The following CCDC138 variants were observed in gnomAD, a reference collection of about 807,000 sequenced individuals.
CCDC138 encodes coiled-coil domain-containing protein 138.
Under a neutral mutation model 82.3 loss-of-function variants are expected in CCDC138, and 66 were observed. That is an observed-to-expected ratio of 0.80 (90% CI 0.66 to 0.98). CCDC138 has a LOEUF of 0.98. CCDC138 is among the 50% of genes least tolerant of loss of function. CCDC138 has a pLI of 0.00. For synonymous variants in CCDC138, 297 were observed against 265.4 expected (o/e 1.12, Z -1.16); for missense variants, 816 against 758.9 (o/e 1.08, Z -0.88).
rs138498643 is a variant in CCDC138, at chr2:108,875,125, A to G, written c.1833-963A>G. On this transcript the variant is annotated intron_variant, in intron 14 of 14. Coordinates refer to ENST00000295124, the MANE Select transcript of CCDC138 (RefSeq NM_144978.3). ...CCACAAAAGATGTAAATCCTTTTGTATTAGGATAGTACATAAGAGTTTGTA... is the reference window on the plus strand; with the variant it reads ...CCACAAAAGATGTAAATCCTTTTGTGTTAGGATAGTACATAAGAGTTTGTA... 3.5e-3 allele frequency among the ~76,000 whole-genome samples: 531 copies of G among 152,050 alleles called. 2 individuals are homozygous for G. The highest frequency in any genetic ancestry group is 7.5e-3 in the Admixed American group (114 of 15,276).
intron 1 of CCDC138, 98 bp downstream of exon 1, chr2:108,787,013 T>A (rs896645575): frequency 8.1e-6 from 6 of 739,376 alleles, no homozygotes; most frequent in African/African-American, 7.5e-5. Flanking sequence ...GCAGCGGCTC[T>A]GGTCCCGGCC....
intron 13 of CCDC138, among the ~76,000 whole-genome samples, chr2:108,862,813 T>C (rs1341746713): frequency 6.6e-6 from 1 of 152,172 alleles, no homozygotes; most frequent in African/African-American, 2.4e-5. Context: ...TTTTACGTGG[T>C]TAGATACTAG....
intron 10 of CCDC138, among the ~76,000 whole-genome samples, chr2:108,819,802 G>T (rs1284353206): frequency 6.6e-6 from 1 of 152,112 alleles, no homozygotes; most frequent in Non-Finnish European, 1.5e-5. Flanking sequence ...AAGGAACAGG[G>T]ACATTGATCA....
At chr2:108,806,646 T>C (rs1227082105) in intron 7 of CCDC138, among the ~76,000 whole-genome samples, 2 of 152,186 alleles carry the variant, frequency 1.3e-5, no homozygotes, top group Non-Finnish European at 2.9e-5. Context: ...CGTGGCTGTG[T>C]TCCAAAACGA....
intron 10 of CCDC138, among the ~76,000 whole-genome samples, chr2:108,834,648 T>A: frequency 6.6e-6 from 1 of 152,244 alleles, no homozygotes; most frequent in East Asian, 1.9e-4. Context: ...ATGTACAATT[T>A]AGTGGCATTA....
At chr2:108,823,144 A>T (rs1032295543) in intron 10 of CCDC138, among the ~76,000 whole-genome samples, 2 of 152,226 alleles carry the variant, frequency 1.3e-5, no homozygotes, top group Admixed American at 6.5e-5. Flanking sequence ...ATCACTAATT[A>T]CAAAAAAACC....
intron 13 of CCDC138, among the ~76,000 whole-genome samples, chr2:108,871,592 A>G (rs1695263154): frequency 6.6e-6 from 1 of 152,024 alleles, no homozygotes; most frequent in South Asian, 2.1e-4. Context: ...AAGCAAGATA[A>G]AAAACATTGT....
chr2:108,856,132 A>G (rs527444109), intron 12 of CCDC138, among the ~76,000 whole-genome samples: 22 of 152,216 alleles, frequency 1.4e-4, no homozygotes, highest in East Asian at 9.6e-4. Flanking sequence ...GTGCTTCCCA[A>G]TCCTGGCCTT....
intron 13 of CCDC138, 137 bp from the exon 14 acceptor site, chr2:108,873,314 T>C (rs976072903): frequency 1.3e-6 from 1 of 758,776 alleles, no homozygotes; most frequent in Non-Finnish European, 1.9e-6. Context: ...ATATTTTCAC[T>C]CAAAAATTTA....
chr2:108,786,759 C>G, upstream of CCDC138: 1 of 1,454,246 alleles, frequency 6.9e-7, no homozygotes, highest in Non-Finnish European at 9.5e-7. Context: ...CGCACTGCGG[C>G]CGCGTAGCGC....
chr2:108,861,147 A>G (rs1158820194), intron 13 of CCDC138, among the ~76,000 whole-genome samples: 1 of 149,542 alleles, frequency 6.7e-6, no homozygotes, highest in Non-Finnish European at 1.5e-5. Flanking sequence ...TTTTTTTTAA[A>G]TTTATTTCTG....
intron 11 of CCDC138, among the ~76,000 whole-genome samples, chr2:108,842,845 C>T (rs1689745259): frequency 6.6e-6 from 1 of 152,200 alleles, no homozygotes; most frequent in South Asian, 2.1e-4. Context: ...TTCACTACAA[C>T]ATTATGTAGA....
intron 11 of CCDC138, among the ~76,000 whole-genome samples, chr2:108,844,281 G>A (rs1690073312): frequency 6.6e-6 from 1 of 152,078 alleles, no homozygotes; most frequent in Non-Finnish European, 1.5e-5. Context: ...CAGGTTGTTT[G>A]CAGTTGTTCA....
chr2:108,803,379 A>G (rs2149652219), intron 6 of CCDC138, among the ~76,000 whole-genome samples: 1 of 90,170 alleles, frequency 1.1e-5, no homozygotes, highest in African/African-American at 3.7e-5. Flanking sequence ...TGCCAGGAAG[A>G]CTGGTTTTCT....
intron 10 of CCDC138, among the ~76,000 whole-genome samples, chr2:108,822,797 G>T (rs1391008362): frequency 1.3e-5 from 2 of 152,132 alleles, no homozygotes; most frequent in Admixed American, 6.5e-5. Context: ...TAAGAGGGAA[G>T]TTTGTAGCTG....
downstream of CCDC138, among the ~76,000 whole-genome samples, chr2:108,879,140 T>C (rs1370435150): frequency 6.6e-6 from 1 of 152,224 alleles, no homozygotes; most frequent in Non-Finnish European, 1.5e-5. Flanking sequence ...TTTATTTATT[T>C]ATTTAATTTT....
chr2:108,863,049 C>T (rs1233972076), intron 13 of CCDC138, among the ~76,000 whole-genome samples: 1 of 152,088 alleles, frequency 6.6e-6, no homozygotes, highest in African/African-American at 2.4e-5. Context: ...TGAATATATC[C>T]ATATTGTTTA....
chr2:108,788,152 C>T, intron 2 of CCDC138, 63 bp downstream of exon 2: 1 of 1,541,704 alleles, frequency 6.5e-7, no homozygotes, highest in Non-Finnish European at 8.8e-7. Flanking sequence ...GGCGCGGTGG[C>T]TCACGCCTGT....
At chr2:108,789,467 G>A (rs190942362) in intron 3 of CCDC138, among the ~76,000 whole-genome samples, 5 of 152,270 alleles carry the variant, frequency 3.3e-5, no homozygotes, top group Admixed American at 1.3e-4. Context: ...GGTGGTGTGC[G>A]TCTGGAATCT....
Sources: allele counts gnomAD v4.1 joint callset (sites outside exome capture counted in the v4.1 genomes callset), GRCh38; gene constraint gnomAD v4.1.1; transcripts MANE v1.5; gene names NCBI Gene and HGNC (gene_info 2026-07-23, HGNC 2026-07-21).